The following CTTN variants were observed in gnomAD, a reference collection of about 807,000 sequenced individuals.
CTTN encodes cortactin, also known as src substrate cortactin.
A neutral mutation model predicts 84.0 loss-of-function variants in CTTN; 28 were observed. The observed-to-expected ratio is 0.33, with a 90% CI of 0.25 to 0.46. The LOEUF (loss-of-function observed/expected upper bound fraction) is 0.46. Among genes scored for constraint, CTTN ranks in the 20% least tolerant of loss-of-function variants. The probability of loss-of-function intolerance (pLI) is 1.00; values close to 1 mark genes in which losing one functional copy is unlikely to be tolerated. For missense variants in CTTN, 641 were observed against 723.8 expected, an observed-to-expected ratio of 0.89 and a Z score of 1.31; for synonymous variants, 301 against 288.8, an observed-to-expected ratio of 1.04 and a Z score of -0.43.
In CTTN at chr11:70,435,205, C is replaced by T; in HGVS notation, c.*43C>T. 3 of 1,532,964 alleles carry T rather than the reference C, an allele frequency of 2.0e-6. No homozygotes were observed. Among genetic ancestry groups the T allele is most frequent in the Non-Finnish European group, 2.6e-6 (3 of 1,149,132 alleles). The allele number at this position is 1,532,964 out of a possible 1,614,324, so 95.0% of individuals were successfully genotyped here. A position where few individuals can be genotyped will look rare whatever the true frequency, so the allele number is the denominator to read the frequency against. On this transcript the variant is annotated 3_prime_UTR_variant, in exon 18 of 18. Coordinates refer to ENST00000301843, the MANE Select transcript of CTTN (RefSeq NM_005231.4). ...CGGAGCTGCGCCCTGGATCCTCACA[C>T]TACAGATCAGGCCTTCTTTGGTTCT...
intron 10 of CTTN, among the ~76,000 whole-genome samples, chr11:70,420,916 C>T (rs957078506): frequency 2.0e-5 from 3 of 152,206 alleles, no homozygotes; most frequent in African/African-American, 4.8e-5. Context: ...CTGCAGTGCT[C>T]CTCATCCAGG....
intron 13 of CTTN, among the ~76,000 whole-genome samples, chr11:70,426,462 GAGA>G (rs1454411188): frequency 5.3e-5 from 8 of 151,348 alleles, no homozygotes; most frequent in Admixed American, 5.3e-4. Flanking sequence ...TATTTATTTT[GAGA>G]CCGGGTCTTG....
intron 17 of CTTN, among the ~76,000 whole-genome samples, 196 bp from the exon 18 acceptor site, chr11:70,434,830 A>G (rs1248119051): frequency 6.6e-6 from 1 of 151,148 alleles, no homozygotes; most frequent in Admixed American, 6.6e-5. Flanking sequence ...GCCTCTTTGT[A>G]CTCTCTCGGT....
chr11:70,402,320 A>T (rs2135546428), intron 1 of CTTN, among the ~76,000 whole-genome samples: 1 of 152,238 alleles, frequency 6.6e-6, no homozygotes, highest in East Asian at 1.9e-4. Context: ...TAACAGCTTT[A>T]TCGAGATATA....
At chr11:70,400,366 T>G (rs1253232844) in intron 1 of CTTN, among the ~76,000 whole-genome samples, 1 of 152,066 alleles carries the variant, frequency 6.6e-6, no homozygotes, top group African/African-American at 2.4e-5. Context: ...CTTGGGGCGC[T>G]GAGGCAGAGG....
intron 9 of CTTN, chr11:70,420,095 C>T (rs997323405): frequency 4.7e-5 from 28 of 598,498 alleles, no homozygotes; most frequent in Non-Finnish European, 7.1e-5. Flanking sequence ...GGCCACACCC[C>T]GCACGTCTGT....
chr11:70,413,107 A>T (rs1462487987), intron 5 of CTTN, among the ~76,000 whole-genome samples: 1 of 152,184 alleles, frequency 6.6e-6, no homozygotes, highest in African/African-American at 2.4e-5. Context: ...CAAACGTGGG[A>T]AGAAGAGGGC....
intron 1 of CTTN, among the ~76,000 whole-genome samples, chr11:70,401,306 T>TA (rs71049908): frequency 0.23 from 33,806 of 146,832 alleles, 4,962 homozygotes; most frequent in African/African-American, 0.42. Context: ...CCGTCTCTAC[T>TA]AAAAAAAAAA....
intron 1 of CTTN, among the ~76,000 whole-genome samples, chr11:70,404,309 C>T (rs550953348): frequency 6.6e-6 from 1 of 152,108 alleles, no homozygotes; most frequent in Non-Finnish European, 1.5e-5. Context: ...TTTCATTCGT[C>T]CATGTGTGTT....
At position 70,429,702 on chromosome 11, in the gene CTTN, C is replaced by T. The variant is rs190427677; in HGVS notation, c.1176+503C>T. 5.8e-3 allele frequency among the ~76,000 whole-genome samples: 888 copies of T among 152,268 alleles called. 35 individuals carry two copies. Among genetic ancestry groups the T allele is most frequent in the Non-Finnish European group, 1.4e-3 (97 of 68,020 alleles). On this transcript the variant is annotated intron_variant, in intron 14 of 17. Coordinates refer to ENST00000301843, the MANE Select transcript of CTTN (RefSeq NM_005231.4). Reference sequence around the variant, plus strand: ...AGCCCCTGGGCTGTGGAGAAGCGCTCCCAGAGAAAGATGCCAGAAGTGCAC... The same window carrying T: ...AGCCCCTGGGCTGTGGAGAAGCGCTTCCAGAGAAAGATGCCAGAAGTGCAC...
At chr11:70,410,655 G>A (rs1412236187) in intron 5 of CTTN, among the ~76,000 whole-genome samples, 1 of 152,168 alleles carries the variant, frequency 6.6e-6, no homozygotes, top group Non-Finnish European at 1.5e-5. Context: ...TTTCCTTCCT[G>A]GAGAGAAGAT....
chr11:70,400,810 C>T (rs2057969658), intron 1 of CTTN, among the ~76,000 whole-genome samples: 1 of 152,230 alleles, frequency 6.6e-6, no homozygotes, highest in African/African-American at 2.4e-5. Flanking sequence ...CAGGAGCAGG[C>T]TTGGCTTTCA....
intron 5 of CTTN, among the ~76,000 whole-genome samples, chr11:70,413,989 C>A (rs1010682955): frequency 1.3e-5 from 2 of 152,116 alleles, no homozygotes; most frequent in Admixed American, 6.5e-5. Context: ...CTGGTGGCCC[C>A]GACCTGTGTC....
At chr11:70,410,619 G>A (rs539928194) in intron 5 of CTTN, among the ~76,000 whole-genome samples, 36 of 152,312 alleles carry the variant, frequency 2.4e-4, no homozygotes, top group Non-Finnish European at 1.2e-4. Flanking sequence ...AAGAAAGGGA[G>A]CCACGTTAGC....
chr11:70,432,057 C>T (rs946676823), intron 15 of CTTN, among the ~76,000 whole-genome samples: 5 of 152,212 alleles, frequency 3.3e-5, no homozygotes, highest in African/African-American at 1.2e-4. Flanking sequence ...TTCAGGAGCC[C>T]AGAGAGAGCC....
At chr11:70,418,278 C>A (rs1026965918) in intron 8 of CTTN, among the ~76,000 whole-genome samples, 1 of 152,252 alleles carries the variant, frequency 6.6e-6, no homozygotes, top group East Asian at 1.9e-4. Flanking sequence ...GCCGGTCAGG[C>A]CTTGCCTGCC....
chr11:70,415,194 C>T (rs190339034), intron 6 of CTTN, among the ~76,000 whole-genome samples: 175 of 152,260 alleles, frequency 1.1e-3, no homozygotes, highest in African/African-American at 4.1e-3. Flanking sequence ...ATATTAGCCA[C>T]GGTTCTGAAT....
chr11:70,409,512 A>G (rs937879406), intron 4 of CTTN, among the ~76,000 whole-genome samples: 1 of 151,888 alleles, frequency 6.6e-6, no homozygotes, highest in African/African-American at 2.4e-5. Context: ...TAGCTTTCCT[A>G]TTTTCTGCGT....
At chr11:70,407,672 G>T in intron 4 of CTTN, 81 bp downstream of exon 4, 1 of 1,324,456 alleles carries the variant, frequency 7.6e-7, no homozygotes, top group East Asian at 2.3e-5. Context: ...GGTCATCTGT[G>T]GAGGGACAGC....
Sources: allele counts gnomAD v4.1 joint callset (sites outside exome capture counted in the v4.1 genomes callset), GRCh38; gene constraint gnomAD v4.1.1; transcripts MANE v1.5; gene names NCBI Gene and HGNC (gene_info 2026-07-23, HGNC 2026-07-21).